Variants in MAP3K13 observed in about 807,000 individuals in gnomAD.
MAP3K13 encodes the protein mitogen-activated protein kinase kinase kinase 13.
A neutral mutation model predicts 104.0 loss-of-function variants in MAP3K13; 52 were observed. That is an observed-to-expected ratio of 0.50 (90% CI 0.40 to 0.63). The LOEUF is 0.63. Ranked by LOEUF, MAP3K13 falls within the 20% of genes least tolerant of loss-of-function variation. The pLI is 0.00. For synonymous variants in MAP3K13, 394 were observed against 442.2 expected, an observed-to-expected ratio of 0.89 and a Z score of 1.37; for missense variants, 914 against 1,218.5, an observed-to-expected ratio of 0.75 and a Z score of 3.72.
upstream of MAP3K13, chr3:185,362,951 A>G (rs1341783636): frequency 2.4e-5 from 2 of 82,574 alleles, no homozygotes; most frequent in Non-Finnish European, 3.2e-5. Context: ...ACACACACAC[A>G]CACACGCACA....
At chr3:185,474,958 G>A (rs185334246) in intron 11 of MAP3K13, among the ~76,000 whole-genome samples, 1 of 152,106 alleles carries the variant, frequency 6.6e-6, no homozygotes, top group Admixed American at 6.5e-5. Flanking sequence ...AGCCAGGCGT[G>A]GTGGCAGGCA....
intron 2 of MAP3K13, among the ~76,000 whole-genome samples, chr3:185,295,197 TTTGTTG>T (rs570972864): frequency 3.2e-4 from 49 of 152,002 alleles, no homozygotes; most frequent in African/African-American, 1.1e-3. Flanking sequence ...TGTTGTTGTT[TTTGTTG>T]TTGTTGTTGT....
At chr3:185,389,929 A>G (rs1438348815) in intron 1 of MAP3K13, among the ~76,000 whole-genome samples, 1 of 152,282 alleles carries the variant, frequency 6.6e-6, no homozygotes, top group South Asian at 2.1e-4. Flanking sequence ...GGTATTGTGA[A>G]AAGAGGTCTT....
intron 4 of MAP3K13, among the ~76,000 whole-genome samples, chr3:185,443,904 G>T (rs1173526232): frequency 6.6e-6 from 1 of 152,206 alleles, no homozygotes; most frequent in Non-Finnish European, 1.5e-5. Context: ...ATTATCTGAA[G>T]TATTCACCTT....
intron 7 of MAP3K13, chr3:185,451,672 G>A: frequency 6.8e-6 from 2 of 292,602 alleles, no homozygotes; most frequent in Non-Finnish European, 6.5e-6. Context: ...TTCAAGACCA[G>A]CCTGGCCAAC....
chr3:185,453,824 GAGAT>G (rs71298567), intron 7 of MAP3K13, among the ~76,000 whole-genome samples: 822 of 24,574 alleles, frequency 0.033, 45 homozygotes, highest in East Asian at 0.087. Flanking sequence ...ACATATATAT[GAGAT>G]ATATATATAT....
chr3:185,433,902 C>A (rs1714882918), intron 2 of MAP3K13, among the ~76,000 whole-genome samples: 1 of 151,838 alleles, frequency 6.6e-6, no homozygotes, highest in Admixed American at 6.6e-5. Flanking sequence ...TAGTGAGTTA[C>A]AATGTAAGTA....
intron 1 of MAP3K13, among the ~76,000 whole-genome samples, chr3:185,400,367 G>C (rs1712722585): frequency 6.6e-6 from 1 of 152,170 alleles, no homozygotes; most frequent in African/African-American, 2.4e-5. Flanking sequence ...CCCTTAGAAA[G>C]CTTCTCACAT....
intron 7 of MAP3K13, among the ~76,000 whole-genome samples, chr3:185,454,628 T>TATATATC (rs1553808137): frequency 1.9e-5 from 1 of 52,268 alleles, no homozygotes; most frequent in South Asian, 6.6e-4. Context: ...ATATATGAGA[T>TATATATC]ATATATATGA....
intron 2 of MAP3K13, among the ~76,000 whole-genome samples, chr3:185,319,569 G>GT (rs780440892): frequency 1.2e-4 from 18 of 152,364 alleles, no homozygotes; most frequent in Non-Finnish European, 2.2e-4. Flanking sequence ...AGCTCTGCTA[G>GT]TGTGTGTGCC....
chr3:185,422,045 G>T (rs1019062764), intron 1 of MAP3K13, among the ~76,000 whole-genome samples: 1 of 152,184 alleles, frequency 6.6e-6, no homozygotes, highest in African/African-American at 2.4e-5. Context: ...CACCCTTGAG[G>T]TTTACCTCAC....
chr3:185,475,252 G>T (rs984500039), intron 11 of MAP3K13, among the ~76,000 whole-genome samples: 1 of 152,140 alleles, frequency 6.6e-6, no homozygotes, highest in African/African-American at 2.4e-5. Flanking sequence ...ACAGGGCCTG[G>T]AACGTAGCAC....
intron 2 of MAP3K13, among the ~76,000 whole-genome samples, chr3:185,299,144 C>G (rs1056337513): frequency 1.3e-5 from 2 of 152,176 alleles, no homozygotes; most frequent in Non-Finnish European, 2.9e-5. Flanking sequence ...CATGATGCTT[C>G]TTGAGCTCAT....
chr3:185,357,372 C>T (rs1257907079), intron 2 of MAP3K13, among the ~76,000 whole-genome samples: 1 of 148,858 alleles, frequency 6.7e-6, no homozygotes, highest in East Asian at 2.0e-4. Context: ...TGCTTGAACC[C>T]GGGAGGCGGA....
intron 11 of MAP3K13, chr3:185,476,986 C>T (rs1271805701): frequency 4.7e-6 from 2 of 424,734 alleles, no homozygotes; most frequent in Non-Finnish European, 9.1e-6. Flanking sequence ...ACAATGATTA[C>T]AAGAGACTGA....
intron 7 of MAP3K13, among the ~76,000 whole-genome samples, chr3:185,457,441 G>A (rs982942923): frequency 2.0e-5 from 3 of 152,206 alleles, no homozygotes; most frequent in African/African-American, 7.2e-5. Flanking sequence ...GGTGTCTGGT[G>A]AGGGCCTGAG....
upstream of MAP3K13, among the ~76,000 whole-genome samples, chr3:185,360,962 G>A (rs1723583701): frequency 6.6e-6 from 1 of 151,450 alleles, no homozygotes; most frequent in Admixed American, 6.6e-5. Flanking sequence ...GAGTAGCTGG[G>A]ATTACAGATG....
At chr3:185,307,541 A>ACCCTCCCCCCCCC (rs1553786581) in intron 2 of MAP3K13, among the ~76,000 whole-genome samples, 1 of 71,066 alleles carries the variant, frequency 1.4e-5, no homozygotes, top group African/African-American at 6.2e-5. Flanking sequence ...TTGGTGCACC[A>ACCCTCCCCCCCCC]CCCCCTCCCC....
chr3:185,306,420 C>G (rs1721289644), intron 2 of MAP3K13, among the ~76,000 whole-genome samples: 1 of 152,234 alleles, frequency 6.6e-6, no homozygotes. Context: ...ATTCTCTTTT[C>G]TCCACAGCCT....
Sources: gnomAD v4.1 joint callset for allele counts (sites outside exome capture counted in the v4.1 genomes callset) on GRCh38, gnomAD v4.1.1 for gene constraint, MANE v1.5 for transcripts, NCBI Gene and HGNC (gene_info 2026-07-23, HGNC 2026-07-21) for gene names.